PARN: variants seen among roughly 807,000 people sequenced by gnomAD.
PARN encodes the protein poly(A)-specific ribonuclease PARN.
PARN carries 71 observed loss-of-function variants against 102.8 expected under a neutral mutation model. That is an observed-to-expected ratio of 0.69 (90% CI 0.57 to 0.84). The LOEUF is 0.84. PARN is among the 40% of genes least tolerant of loss of function. The pLI, the probability that PARN is intolerant of heterozygous loss-of-function variation, is 0.00. For synonymous variants in PARN, 261 were observed against 252.9 expected, an observed-to-expected ratio of 1.03 and a Z score of -0.30; for missense variants, 782 against 760.9, an observed-to-expected ratio of 1.03 and a Z score of -0.33.
rs368966594 is a variant in PARN, at chr16:14,490,309, A to G, written c.1481-7482T>C. On this transcript the variant is annotated intron_variant, in intron 21 of 23. Transcript: ENST00000437198. The stretch of plus-strand genomic sequence containing the variant: ...TAAAAAGGGACTGGCCCAAGGTCCC[A>G]AAGATTACATGTGTAGGCTGGGACC... 1.3e-4 allele frequency among the ~76,000 whole-genome samples: 20 copies of G among 152,358 alleles called. No individual in the cohort carries two copies. In the East Asian group the frequency reaches 1.3e-3, roughly 10 times the overall value.
At chr16:14,530,963 GCATTCATTCATT>G (rs1356637566) in intron 21 of PARN, among the ~76,000 whole-genome samples, 2 of 147,086 alleles carry the variant, frequency 1.4e-5, no homozygotes, top group Non-Finnish European at 3.0e-5. Flanking sequence ...ATTCATGCAT[GCATTCATTCATT>G]CATCCATCCA....
intron 21 of PARN, among the ~76,000 whole-genome samples, chr16:14,496,632 A>C (rs1964331182): frequency 6.6e-6 from 1 of 152,222 alleles, no homozygotes; most frequent in Non-Finnish European, 1.5e-5. Flanking sequence ...GTAAAATCAA[A>C]GATCTGCTAG....
At chr16:14,516,931 A>G (rs1965491349) in intron 21 of PARN, among the ~76,000 whole-genome samples, 1 of 152,212 alleles carries the variant, frequency 6.6e-6, no homozygotes, top group African/African-American at 2.4e-5. Flanking sequence ...AGAAGGTAGA[A>G]TAAGAGTGCT....
chr16:14,482,840 G>GAAAAAA lies in PARN; in HGVS notation c.1481-19_1481-14dup, dbSNP rs748039977. 2 of 1,554,374 alleles carry GAAAAAA rather than the reference G, an allele frequency of 1.3e-6. No individual in the cohort carries two copies. The highest frequency in any genetic ancestry group is 1.7e-6 in the Non-Finnish European group (2 of 1,150,692). ...CTGGTATTGACAGCTACAAGGAAAA[G>GAAAAAA]AAAAAAAAATAAAATGCTTACAAAA... On this transcript the variant is annotated splice_polypyrimidine_tract_variant and intron_variant, in intron 21 of 23. Coordinates refer to ENST00000437198, the MANE Select transcript of PARN (RefSeq NM_002582.4).
intron 23 of PARN, among the ~76,000 whole-genome samples, chr16:14,443,839 T>C (rs1389430272): frequency 6.6e-6 from 1 of 151,994 alleles, no homozygotes; most frequent in Admixed American, 6.6e-5. Flanking sequence ...TGAGGATCTG[T>C]TGAGTACCTG....
intron 21 of PARN, among the ~76,000 whole-genome samples, chr16:14,493,705 G>A (rs1385633093): frequency 2.0e-5 from 3 of 152,210 alleles, no homozygotes; most frequent in Admixed American, 1.3e-4. Flanking sequence ...AGCAGCAAAG[G>A]CGACAATAAA....
At chr16:14,451,434 C>T (rs888168257) in intron 22 of PARN, among the ~76,000 whole-genome samples, 3 of 152,100 alleles carry the variant, frequency 2.0e-5, no homozygotes, top group African/African-American at 4.8e-5. Context: ...ATTCATACAA[C>T]GAAATATAAT....
intron 22 of PARN, among the ~76,000 whole-genome samples, chr16:14,480,715 C>A (rs182025557): frequency 1.3e-5 from 2 of 152,024 alleles, no homozygotes; most frequent in African/African-American, 4.8e-5. Flanking sequence ...CCGAGGCAGG[C>A]GGATCACTTG....
At chr16:14,606,213 A>G (rs1971170540) in intron 10 of PARN, among the ~76,000 whole-genome samples, 1 of 152,116 alleles carries the variant, frequency 6.6e-6, no homozygotes, top group South Asian at 2.1e-4. Flanking sequence ...TAGCCTGGGC[A>G]ACAGGGCGAA....
intron 23 of PARN, among the ~76,000 whole-genome samples, chr16:14,439,248 T>C (rs2151547273): frequency 6.6e-6 from 1 of 152,092 alleles, no homozygotes; most frequent in East Asian, 1.9e-4. Context: ...GGCACACACC[T>C]GTGGTCCCAG....
At chr16:14,523,330 T>G (rs569242544) in intron 21 of PARN, among the ~76,000 whole-genome samples, 1 of 151,990 alleles carries the variant, frequency 6.6e-6, no homozygotes, top group South Asian at 2.1e-4. Context: ...TTAGTAAATA[T>G]ACAGAAGATT....
At chr16:14,555,752 A>C (rs1266386656) in intron 18 of PARN, 43 bp from the exon 19 acceptor site, 1 of 1,015,298 alleles carries the variant, frequency 9.8e-7, no homozygotes, top group Non-Finnish European at 1.4e-6. Flanking sequence ...AATTTCCTTT[A>C]AAAGACAGGC....
intron 22 of PARN, among the ~76,000 whole-genome samples, chr16:14,448,342 T>C (rs926818861): frequency 6.6e-6 from 1 of 152,180 alleles, no homozygotes; most frequent in African/African-American, 2.4e-5. Context: ...AGAGATGGGG[T>C]TTCACCATGT....
intron 22 of PARN, among the ~76,000 whole-genome samples, chr16:14,466,629 C>G (rs1409305291): frequency 6.6e-6 from 1 of 152,208 alleles, no homozygotes; most frequent in Non-Finnish European, 1.5e-5. Context: ...CCACCCATTC[C>G]TTAAAAGAAT....
intron 12 of PARN, among the ~76,000 whole-genome samples, chr16:14,593,921 C>T (rs1203512924): frequency 6.6e-6 from 1 of 151,742 alleles, no homozygotes; most frequent in Non-Finnish European, 1.5e-5. Flanking sequence ...CGCTGGAACC[C>T]GGGAGGCAGA....
chr16:14,605,301 T>C (rs1335518235), intron 10 of PARN, among the ~76,000 whole-genome samples: 1 of 152,210 alleles, frequency 6.6e-6, no homozygotes, highest in African/African-American at 2.4e-5. Flanking sequence ...CCAACATAAG[T>C]TGAGCTAATG....
chr16:14,529,612 G>C (rs1966207710), intron 21 of PARN, among the ~76,000 whole-genome samples: 2 of 152,202 alleles, frequency 1.3e-5, no homozygotes, highest in Non-Finnish European at 2.9e-5. Context: ...CCCTGGCTGT[G>C]CAAAAAGGTT....
At position 14,436,728 on chromosome 16, in the gene PARN, C is replaced by G. The variant is rs1953059215; in HGVS notation, c.1909G>C (p.Asp637His). 1 of 1,601,334 alleles carries G rather than the reference C, an allele frequency of 6.2e-7. No individual in the cohort carries two copies. Among genetic ancestry groups the G allele is most frequent in the Non-Finnish European group, 8.5e-7 (1 of 1,174,002 alleles). ...NSPATLFEVP[D>H]TW is the part of the protein sequence containing the mutation. ...CCCTCAGGTCTTGGTTACCATGTGT[C>G]AGGAACTTCAAAGAGTGTGGCAGGG... Residue 637 changes from aspartate (D) to histidine (H), a missense_variant, in exon 24 of 24, where the codon GAC becomes CAC. Coordinates refer to ENST00000437198, the MANE Select transcript of PARN (RefSeq NM_002582.4).
At chr16:14,488,147 G>T (rs1357739071) in intron 21 of PARN, among the ~76,000 whole-genome samples, 1 of 152,088 alleles carries the variant, frequency 6.6e-6, no homozygotes, top group African/African-American at 2.4e-5. Flanking sequence ...TGACAGAACT[G>T]CCTGGAAAAG....
Sources: gnomAD v4.1 joint callset for allele counts (sites outside exome capture counted in the v4.1 genomes callset) on GRCh38, gnomAD v4.1.1 for gene constraint, MANE v1.5 for transcripts, NCBI Gene and HGNC (gene_info 2026-07-23, HGNC 2026-07-21) for gene names.